Variants in TEK observed in about 807,000 individuals in gnomAD.
The protein encoded by TEK is TEK receptor tyrosine kinase, also known as angiopoietin-1 receptor.
A neutral mutation model predicts 131.8 loss-of-function variants in TEK; 43 were observed. The observed-to-expected ratio is 0.33, with a 90% CI of 0.26 to 0.42. The LOEUF (loss-of-function observed/expected upper bound fraction) is 0.42. TEK is among the 10% of genes least tolerant of loss of function. The probability of loss-of-function intolerance (pLI) is 1.00; values close to 1 mark genes in which losing one functional copy is unlikely to be tolerated. For missense variants in TEK, 1,162 were observed against 1,384.4 expected (o/e 0.84, Z 2.55); for synonymous variants, 580 against 491.6 (o/e 1.18, Z -2.38).
At chr9:27,125,554 A>G (rs954089767) in intron 1 of TEK, among the ~76,000 whole-genome samples, 1 of 152,194 alleles carries the variant, frequency 6.6e-6, no homozygotes, top group African/African-American at 2.4e-5. Context: ...AGTTGAGAAC[A>G]CAGACTCCGG....
In TEK at chr9:27,213,475, A is replaced by T. The variant is rs1219531423; in HGVS notation, c.2878-9A>T. 5 of 1,611,010 alleles carry T rather than the reference A, an allele frequency of 3.1e-6. No homozygotes were observed. The East Asian group carries it at 1.1e-4, about 36-fold the overall frequency. The stretch of plus-strand genomic sequence containing the variant: ...GGCTGAAAATACATAATGTTTTCAA[A>T]AATTTCAGTTTATCCACAGGGATCT... On this transcript the variant is annotated splice_polypyrimidine_tract_variant and intron_variant, in intron 17 of 22. Transcript: ENST00000380036.
At chr9:27,117,356 G>A (rs1370683695) in intron 1 of TEK, among the ~76,000 whole-genome samples, 2 of 152,176 alleles carry the variant, frequency 1.3e-5, no homozygotes, top group Non-Finnish European at 2.9e-5. Context: ...GTCTAAAGTT[G>A]CCTCCCTTAT....
chr9:27,180,856 C>T (rs1162214876), intron 7 of TEK, among the ~76,000 whole-genome samples: 1 of 152,168 alleles, frequency 6.6e-6, no homozygotes, highest in Non-Finnish European at 1.5e-5. Flanking sequence ...CAGACTAAAT[C>T]CAGCCCACTA....
intron 1 of TEK, among the ~76,000 whole-genome samples, chr9:27,154,115 C>T (rs1021605238): frequency 2.6e-5 from 4 of 152,282 alleles, no homozygotes; most frequent in East Asian, 3.9e-4. Context: ...GCTCTTGATT[C>T]TTTTCCAGCT....
chr9:27,164,469 G>T (rs530597791), intron 2 of TEK, among the ~76,000 whole-genome samples: 1 of 151,916 alleles, frequency 6.6e-6, no homozygotes, highest in East Asian at 1.9e-4. Flanking sequence ...ACAGGCGCCC[G>T]CTACCACGCC....
chr9:27,182,664 GT>G (rs1824430577), intron 7 of TEK, among the ~76,000 whole-genome samples: 1 of 152,092 alleles, frequency 6.6e-6, no homozygotes, highest in African/African-American at 2.4e-5. Flanking sequence ...TTTCAAACAT[GT>G]CTCACATTCA....
At chr9:27,144,420 A>G (rs1190510824) in intron 1 of TEK, among the ~76,000 whole-genome samples, 1 of 152,228 alleles carries the variant, frequency 6.6e-6, no homozygotes, top group African/African-American at 2.4e-5. Context: ...GTAGGGGCCC[A>G]TGGGGATTAC....
At position 27,218,817 on chromosome 9, in the gene TEK, G is replaced by C. The variant is rs1825926720; in HGVS notation, c.3103G>C (p.Gly1035Arg). 6.2e-7 allele frequency: 1 copy of C among 1,613,828 alleles called. No individual in the cohort carries two copies. Among genetic ancestry groups the C allele is most frequent in the Admixed American group, 1.7e-5 (1 of 60,012 alleles). The change falls in exon 20 of 23, where the codon GGA (glycine) becomes CGA (arginine). Residue 1035 changes from glycine to arginine, a missense_variant and splice_region_variant. Transcript: ENST00000380036. ...GTTACTATGGGAGATTGTTAGCTTA[G>C]GTGAGTATCTATGTTTATCTACCAG... is the stretch of plus-strand genomic sequence containing the variant. Reference protein sequence around the residue: ...GVLLWEIVSLGGTPYCGMTCA... With the variant: ...GVLLWEIVSLRGTPYCGMTCA...
intron 18 of TEK, among the ~76,000 whole-genome samples, chr9:27,215,885 T>C (rs1263815355): frequency 2.0e-5 from 3 of 152,130 alleles, no homozygotes; most frequent in Non-Finnish European, 2.9e-5. Context: ...AAGGAGGGCT[T>C]CCTGGAGGAG....
At chr9:27,225,222 A>C (rs1332580351) in intron 21 of TEK, among the ~76,000 whole-genome samples, 8 of 152,232 alleles carry the variant, frequency 5.3e-5, no homozygotes, top group Non-Finnish European at 1.0e-4. Flanking sequence ...CTTTCTTCAC[A>C]GAATTAGATA....
intron 1 of TEK, among the ~76,000 whole-genome samples, chr9:27,121,444 A>G (rs1821785341): frequency 6.7e-6 from 1 of 150,228 alleles, no homozygotes; most frequent in African/African-American, 2.4e-5. Flanking sequence ...TATATATTTC[A>G]TAAATAAATT....
rs117450340 is a variant in TEK at position 27,224,518 on chromosome 9, C to T, written c.3201-3688C>T. ...AACCAATGAAAAAAACCACATGTAT[C>T]TCAATAGATGGAGAAAAGCCTTCAA... On this transcript the variant is annotated intron_variant, in intron 21 of 22. Coordinates refer to ENST00000380036, the MANE Select transcript of TEK (RefSeq NM_000459.5). 4.1e-3 allele frequency among the ~76,000 whole-genome samples: 625 copies of T among 152,128 alleles called. 5 individuals are homozygous for T. The highest frequency in any genetic ancestry group is 0.01 in the Middle Eastern group (3 of 294).
At chr9:27,127,159 G>C (rs1360870003) in intron 1 of TEK, among the ~76,000 whole-genome samples, 1 of 152,122 alleles carries the variant, frequency 6.6e-6, no homozygotes, top group Non-Finnish European at 1.5e-5. Flanking sequence ...CCCGGTGTGT[G>C]ATGGCCCCCG....
intron 15 of TEK, among the ~76,000 whole-genome samples, 188 bp downstream of exon 15, chr9:27,206,980 A>C (rs1429656780): frequency 6.6e-6 from 1 of 152,266 alleles, no homozygotes; most frequent in Non-Finnish European, 1.5e-5. Context: ...ATACAAAGGC[A>C]GGAGCCATTT....
intron 1 of TEK, among the ~76,000 whole-genome samples, chr9:27,133,083 G>T (rs1822285002): frequency 6.6e-6 from 1 of 152,152 alleles, no homozygotes; most frequent in Non-Finnish European, 1.5e-5. Context: ...AACTAATCCA[G>T]GTCTTCCGAA....
intron 1 of TEK, among the ~76,000 whole-genome samples, chr9:27,136,034 G>A (rs146372470): frequency 4.0e-5 from 6 of 151,602 alleles, no homozygotes; most frequent in Non-Finnish European, 8.8e-5. Context: ...CCTTTTCTGC[G>A]GAATTCAAAT....
chr9:27,182,195 C>A (rs1456273984), intron 7 of TEK, among the ~76,000 whole-genome samples: 1 of 152,144 alleles, frequency 6.6e-6, no homozygotes, highest in Non-Finnish European at 1.5e-5. Flanking sequence ...GGAGTGCATT[C>A]TGATGGGAGA....
intron 20 of TEK, 116 bp downstream of exon 20, chr9:27,218,933 G>GTGACT: frequency 2.9e-6 from 3 of 1,042,862 alleles, no homozygotes; most frequent in East Asian, 4.8e-5. Flanking sequence ...TCTACCAGAT[G>GTGACT]TGACTTGGAA....
In TEK at chr9:27,124,130, C is replaced by T. The variant is rs201189772; in HGVS notation, c.52+14488C>T. 4.5e-3 allele frequency among the ~76,000 whole-genome samples: 679 copies of T among 152,354 alleles called. 2 individuals are homozygous for T. Among genetic ancestry groups the T allele is most frequent in the Non-Finnish European group, 7.3e-3 (495 of 68,030 alleles). Reference sequence around the variant, plus strand: ...GCAATGTAAATTACAGCTTAATGCACGTACAGTGTAGTCAGACAGGCTGAG... The same window carrying T: ...GCAATGTAAATTACAGCTTAATGCATGTACAGTGTAGTCAGACAGGCTGAG... On this transcript the variant is annotated intron_variant, in intron 1 of 22. Transcript: ENST00000380036.
Sources: allele counts gnomAD v4.1 joint callset (sites outside exome capture counted in the v4.1 genomes callset), GRCh38; gene constraint gnomAD v4.1.1; transcripts MANE v1.5; gene names NCBI Gene and HGNC (gene_info 2026-07-23, HGNC 2026-07-21).